Variants in FILIP1L observed in about 807,000 individuals in gnomAD.
The protein encoded by FILIP1L is filamin A-interacting protein 1-like.
In FILIP1L, 55 loss-of-function variants were observed where a neutral mutation model predicts 96.6. The ratio of observed to expected loss-of-function variants is 0.57; its 90% CI spans 0.46 to 0.71. The LOEUF is 0.71. Among genes scored for constraint, FILIP1L ranks in the 30% least tolerant of loss-of-function variants. The probability of loss-of-function intolerance (pLI) is 0.00; values close to 1 mark genes in which losing one functional copy is unlikely to be tolerated. For synonymous variants in FILIP1L, 467 were observed against 473.9 expected (o/e 0.99, Z 0.19); for missense variants, 1,304 against 1,321.2 (o/e 0.99, Z 0.20).
intron 1 of FILIP1L, among the ~76,000 whole-genome samples, chr3:100,107,026 T>C (rs139680821): frequency 2.5e-3 from 377 of 152,286 alleles, no homozygotes; most frequent in Non-Finnish European, 4.2e-3. Flanking sequence ...TAAATACTTA[T>C]GGATTTTGTT....
chr3:99,892,882 A>G (rs1031811753), intron 4 of FILIP1L, among the ~76,000 whole-genome samples: 4 of 152,194 alleles, frequency 2.6e-5, no homozygotes, highest in African/African-American at 9.6e-5. Context: ...GGATTATTCT[A>G]AGTTATCTTT....
chr3:100,098,024 AT>A (rs2066241126), intron 1 of FILIP1L, among the ~76,000 whole-genome samples: 1 of 152,222 alleles, frequency 6.6e-6, no homozygotes, highest in Admixed American at 6.5e-5. Flanking sequence ...TACGTGCCAC[AT>A]TGCTATTTGA....
At chr3:99,884,888 A>G (rs1218132120) in intron 4 of FILIP1L, among the ~76,000 whole-genome samples, 1 of 152,006 alleles carries the variant, frequency 6.6e-6, no homozygotes, top group African/African-American at 2.4e-5. Context: ...TCCAGAAACT[A>G]TTTTTTTCCT....
intron 1 of FILIP1L, among the ~76,000 whole-genome samples, chr3:100,014,910 T>C (rs1710292939): frequency 6.9e-6 from 1 of 144,098 alleles, no homozygotes; most frequent in Non-Finnish European, 1.5e-5. Context: ...TTTTTTTTTT[T>C]TTTTTTTTGC....
At position 99,830,482 on chromosome 3, in the gene FILIP1L, A is replaced by G. The variant is rs1322810554; in HGVS notation, c.3505T>C (p.Cys1169Arg). The G allele has an allele frequency of 2.2e-6, 1 of 456,696 alleles. No individual in the cohort carries two copies. Among genetic ancestry groups the G allele is most frequent in the Non-Finnish European group, 4.4e-6 (1 of 226,960 alleles). The allele number at this position is 456,696 out of a possible 1,614,324, so 28.3% of individuals were successfully genotyped here. ...GTTCTCACGATGTGTAGCTTCCCAC[A>G]GCCATTTTGGTAAATAGGCTTATCC... Reference protein sequence around the residue: ...PMDKPIYQNGCGKLHIVRTVT... With the variant: ...PMDKPIYQNGRGKLHIVRTVT... The change falls in exon 6 of 6, where the codon TGT becomes CGT. Residue 1169 changes from cysteine (C) to arginine (R), a missense_variant. Coordinates refer to ENST00000477258, the MANE Select transcript of FILIP1L (RefSeq NM_001387850.1).
intron 1 of FILIP1L, among the ~76,000 whole-genome samples, chr3:100,084,317 T>C (rs1164745134): frequency 6.6e-6 from 1 of 152,206 alleles, no homozygotes; most frequent in Non-Finnish European, 1.5e-5. Context: ...GAGGGGTTTT[T>C]CATGCTACCC....
intron 1 of FILIP1L, among the ~76,000 whole-genome samples, chr3:99,948,918 C>T (rs1708096380): frequency 6.6e-6 from 1 of 152,172 alleles, no homozygotes; most frequent in African/African-American, 2.4e-5. Flanking sequence ...AAACTGCACA[C>T]TGTAACCAGC....
chr3:99,988,280 G>A (rs73138635), intron 1 of FILIP1L, among the ~76,000 whole-genome samples: 1,635 of 148,128 alleles, frequency 0.011, 12 homozygotes, highest in Middle Eastern at 0.025. Context: ...GGCAAATCAC[G>A]AGGTTGGGAG....
intron 1 of FILIP1L, among the ~76,000 whole-genome samples, chr3:100,003,128 C>T (rs1474987266): frequency 1.3e-5 from 2 of 152,214 alleles, no homozygotes; most frequent in African/African-American, 2.4e-5. Flanking sequence ...CTCACACTTA[C>T]CTCACCCTGT....
chr3:99,907,393 G>A (rs374636684), intron 4 of FILIP1L, among the ~76,000 whole-genome samples: 11 of 152,006 alleles, frequency 7.2e-5, no homozygotes, highest in South Asian at 2.1e-4. Context: ...GACTACAGGC[G>A]CCCACCACCA....
intron 1 of FILIP1L, among the ~76,000 whole-genome samples, chr3:100,104,386 T>C (rs547469012): frequency 6.6e-6 from 1 of 152,356 alleles, no homozygotes; most frequent in African/African-American, 2.4e-5. Context: ...AACTCTGAGC[T>C]ACACTTTTTT....
At chr3:100,083,335 C>A (rs771911886) in intron 1 of FILIP1L, among the ~76,000 whole-genome samples, 4 of 152,186 alleles carry the variant, frequency 2.6e-5, no homozygotes, top group Non-Finnish European at 5.9e-5. Context: ...TAGCCCTTAA[C>A]GTATGTTGTG....
intron 4 of FILIP1L, among the ~76,000 whole-genome samples, chr3:99,889,879 A>G (rs1706029215): frequency 6.6e-6 from 1 of 152,100 alleles, no homozygotes; most frequent in African/African-American, 2.4e-5. Context: ...TTGTTATTAT[A>G]TATTTTAGTT....
chr3:99,861,442 C>A (rs1559664218), intron 4 of FILIP1L, among the ~76,000 whole-genome samples: 1 of 152,314 alleles, frequency 6.6e-6, no homozygotes, highest in East Asian at 1.9e-4. Flanking sequence ...GCATACAGAG[C>A]TGCCTTTACA....
At chr3:100,111,660 T>G in intron 1 of FILIP1L, among the ~76,000 whole-genome samples, 1 of 152,164 alleles carries the variant, frequency 6.6e-6, no homozygotes. Context: ...TACTGTCAGA[T>G]TTGAACCCTA....
chr3:100,049,944 C>T (rs1298301762), intron 1 of FILIP1L, among the ~76,000 whole-genome samples: 7 of 152,138 alleles, frequency 4.6e-5, no homozygotes, highest in Non-Finnish European at 1.0e-4. Context: ...TTCAACTGCA[C>T]AGAGGGTCAG....
intron 4 of FILIP1L, among the ~76,000 whole-genome samples, chr3:99,914,728 A>G (rs1249221437): frequency 6.6e-6 from 1 of 152,270 alleles, no homozygotes; most frequent in Middle Eastern, 3.2e-3. Flanking sequence ...TTCTAAAACA[A>G]TAATCAGAAA....
At chr3:100,060,861 C>T (rs749122148) in intron 1 of FILIP1L, among the ~76,000 whole-genome samples, 8 of 151,802 alleles carry the variant, frequency 5.3e-5, no homozygotes, top group Admixed American at 2.0e-4. Context: ...GATCTTGTCT[C>T]GAAAAAATAA....
At chr3:99,983,436 A>G (rs9862560) in intron 1 of FILIP1L, among the ~76,000 whole-genome samples, 12 of 69,300 alleles carry the variant, frequency 1.7e-4, no homozygotes, top group African/African-American at 5.9e-4. Context: ...ATGTATGTAT[A>G]TATATGTATG....
Sources: allele counts gnomAD v4.1 joint callset (sites outside exome capture counted in the v4.1 genomes callset), GRCh38; gene constraint gnomAD v4.1.1; transcripts MANE v1.5; gene names NCBI Gene and HGNC (gene_info 2026-07-23, HGNC 2026-07-21).